AP2B1: variants seen among roughly 807,000 people sequenced by gnomAD.
AP2B1 encodes AP-2 complex subunit beta.
Under a neutral mutation model 102.0 loss-of-function variants are expected in AP2B1, and 23 were observed. The ratio of observed to expected loss-of-function variants is 0.23; its 90% CI spans 0.16 to 0.32. The LOEUF (loss-of-function observed/expected upper bound fraction) is 0.32. Among genes scored for constraint, AP2B1 ranks in the 10% least tolerant of loss-of-function variants. The pLI is 1.00. For synonymous variants in AP2B1, 381 were observed against 421.2 expected (o/e 0.90, Z 1.17); for missense variants, 541 against 1,157.4 (o/e 0.47, Z 7.73).
intron 21 of AP2B1, among the ~76,000 whole-genome samples, chr17:35,720,573 ATTTTTTTTT>A (rs1208973388): frequency 6.2e-3 from 175 of 28,034 alleles, no homozygotes; most frequent in Middle Eastern, 0.033. Flanking sequence ...ATATATATAT[ATTTTTTTTT>A]TTTTTTTTTT....
chr17:35,645,266 G>GATGCT (rs1324787566), intron 12 of AP2B1, among the ~76,000 whole-genome samples: 1 of 152,160 alleles, frequency 6.6e-6, no homozygotes, highest in East Asian at 1.9e-4. Flanking sequence ...AGGTTCTGAT[G>GATGCT]ATGCTACTTC....
Position 35,673,471 on chromosome 17 carries a change from G to A in AP2B1, c.2179-705G>A, listed in dbSNP as rs891073790. ...CAAAGTGCTGGGATTGCAGGCGTGA[G>A]CCACCACGCCTGGCCTTAAATTTTT... On this transcript the variant is annotated intron_variant, in intron 16 of 21. Transcript: ENST00000610402. 3.9e-5 allele frequency among the ~76,000 whole-genome samples: 6 copies of A among 152,246 alleles called. No individual in the cohort carries two copies. The South Asian group carries it at 6.2e-4, about 16-fold the overall frequency.
At chr17:35,608,033 A>G (rs904221594) in intron 4 of AP2B1, 109 bp from the exon 5 acceptor site, 1 of 1,327,022 alleles carries the variant, frequency 7.5e-7, no homozygotes, top group African/African-American at 1.5e-5. Context: ...TGTAGAATGT[A>G]TCTGGAAGCT....
chr17:35,637,469 G>A (rs907545543), intron 10 of AP2B1, among the ~76,000 whole-genome samples: 1 of 151,414 alleles, frequency 6.6e-6, no homozygotes, highest in Non-Finnish European at 1.5e-5. Flanking sequence ...CATGAGCCAC[G>A]ATGCCCGGCC....
In AP2B1 at chr17:35,700,337, C is replaced by G. The variant is rs1325105153; in HGVS notation, c.2455-8887C>G. 3.9e-5 allele frequency among the ~76,000 whole-genome samples: 6 copies of G among 152,038 alleles called. No homozygotes were observed. The East Asian group carries it at 1.2e-3, about 30-fold the overall frequency. On this transcript the variant is annotated intron_variant, in intron 18 of 21. Coordinates refer to ENST00000610402, the MANE Select transcript of AP2B1 (RefSeq NM_001030006.2). ...TGTGGTACTTAAAACACATCTGAAT[C>G]ATCATTCCTCAGAGAACTGGAGATG...
At chr17:35,711,915 C>A (rs2076460228) in intron 20 of AP2B1, among the ~76,000 whole-genome samples, 1 of 152,140 alleles carries the variant, frequency 6.6e-6, no homozygotes, top group African/African-American at 2.4e-5. Flanking sequence ...CTCCTATAGG[C>A]CCTCTCTGAG....
Position 35,597,057 on chromosome 17 carries a change from G to A in AP2B1, c.38-1173G>A, listed in dbSNP as rs993679962. 9.5e-5 allele frequency: 54 copies of A among 571,282 alleles called. No homozygotes were observed. In the Admixed American group the frequency reaches 1.2e-3, roughly 13 times the overall value. 35.4% of individuals were successfully genotyped at this position (571,282 alleles called of 1,614,324 possible). ...AAGCCCCGTTGTGGGGGCCGTGGCC[G>A]GGGGCGAAGGACCCCTGGGCGCCCC... On this transcript the variant is annotated intron_variant, in intron 2 of 21. Transcript: ENST00000610402.
intron 10 of AP2B1, among the ~76,000 whole-genome samples, chr17:35,636,911 T>C (rs1215119878): frequency 6.6e-6 from 1 of 152,206 alleles, no homozygotes; most frequent in Non-Finnish European, 1.5e-5. Context: ...CTATTTACTT[T>C]GCATGTTACC....
chr17:35,617,860 G>GT (rs2074068344), intron 5 of AP2B1, among the ~76,000 whole-genome samples: 1 of 152,152 alleles, frequency 6.6e-6, no homozygotes. Flanking sequence ...AACTGTGATG[G>GT]TTATAGGCAT....
intron 1 of AP2B1, among the ~76,000 whole-genome samples, chr17:35,592,775 TC>T (rs2142290406): frequency 2.0e-5 from 3 of 152,254 alleles, no homozygotes; most frequent in Admixed American, 2.0e-4. Flanking sequence ...ACTCCTGACC[TC>T]AAGTGATCCA....
chr17:35,648,536 A>G (rs1002499576), intron 12 of AP2B1, among the ~76,000 whole-genome samples: 3 of 151,568 alleles, frequency 2.0e-5, no homozygotes, highest in Non-Finnish European at 4.4e-5. Context: ...ATACATACAT[A>G]CATACATACA....
chr17:35,715,284 T>C (rs1175731596), intron 20 of AP2B1, among the ~76,000 whole-genome samples: 1 of 152,224 alleles, frequency 6.6e-6, no homozygotes, highest in African/African-American at 2.4e-5. Flanking sequence ...TTTCTAATTC[T>C]AGAAGAGTGA....
chr17:35,609,854 T>A (rs1464289333), intron 5 of AP2B1, among the ~76,000 whole-genome samples: 1 of 152,234 alleles, frequency 6.6e-6, no homozygotes, highest in Non-Finnish European at 1.5e-5. Context: ...CTTCTCTGCT[T>A]TGACATTTTG....
At chr17:35,601,759 G>T (rs2073493120) in intron 3 of AP2B1, among the ~76,000 whole-genome samples, 1 of 151,744 alleles carries the variant, frequency 6.6e-6, no homozygotes, top group South Asian at 2.1e-4. Context: ...CAAACGAATT[G>T]GTAAAAATTG....
intron 18 of AP2B1, among the ~76,000 whole-genome samples, chr17:35,705,529 T>G (rs939978586): frequency 2.6e-5 from 4 of 152,154 alleles, no homozygotes; most frequent in Non-Finnish European, 5.9e-5. Context: ...TGAAATTTTT[T>G]TTTTTTATTT....
At chr17:35,589,458 T>C (rs2073012592) in intron 1 of AP2B1, among the ~76,000 whole-genome samples, 2 of 152,226 alleles carry the variant, frequency 1.3e-5, no homozygotes, top group Admixed American at 1.3e-4. Flanking sequence ...TCTGACCTTA[T>C]TCTACCCAAG....
chr17:35,723,755 T>G lies in AP2B1; in HGVS notation c.*56T>G, dbSNP rs2085470038. 3 of 1,284,074 alleles carry G rather than the reference T, an allele frequency of 2.3e-6. No homozygotes were observed. The highest frequency in any genetic ancestry group is 4.6e-5 in the East Asian group (2 of 43,164). The allele number at this position is 1,284,074 out of a possible 1,614,324, so 79.5% of individuals were successfully genotyped here. The stretch of plus-strand genomic sequence containing the variant: ...TGTGATCGGTGCAAGTCAAGAACTC[T>G]TAACTGGAAGAAATTGTATTGCTGC... On this transcript the variant is annotated 3_prime_UTR_variant, in exon 22 of 22. Transcript: ENST00000610402.
At chr17:35,719,499 T>A (rs995916137) in intron 21 of AP2B1, among the ~76,000 whole-genome samples, 44 of 152,218 alleles carry the variant, frequency 2.9e-4, no homozygotes, top group African/African-American at 1.0e-3. Flanking sequence ...TGTAACCTCT[T>A]AAGATTGTTT....
chr17:35,670,142 C>T (rs150055241), intron 14 of AP2B1, among the ~76,000 whole-genome samples: 14 of 152,296 alleles, frequency 9.2e-5, no homozygotes, highest in South Asian at 4.1e-4. Context: ...TTCTCTAATG[C>T]GTAACATCCT....
Sources: allele counts gnomAD v4.1 joint callset (sites outside exome capture counted in the v4.1 genomes callset), GRCh38; gene constraint gnomAD v4.1.1; transcripts MANE v1.5; gene names NCBI Gene and HGNC (gene_info 2026-07-23, HGNC 2026-07-21).